ZCWPW2: variants seen among roughly 807,000 people sequenced by gnomAD.
The protein encoded by ZCWPW2 is zinc finger CW-type PWWP domain protein 2.
A neutral mutation model predicts 46.6 loss-of-function variants in ZCWPW2; 45 were observed. The observed-to-expected ratio is 0.96, with a 90% CI of 0.76 to 1.24. The LOEUF (loss-of-function observed/expected upper bound fraction) is 1.24, where lower values mean the gene tolerates loss of function less well. Among genes scored for constraint, ZCWPW2 ranks in the 50% most tolerant of loss-of-function variants. ZCWPW2 has a pLI of 0.00. For missense variants in ZCWPW2, 429 were observed against 403.9 expected (o/e 1.06, Z -0.53); for synonymous variants, 152 against 137.1 (o/e 1.11, Z -0.76).
intron 1 of ZCWPW2, among the ~76,000 whole-genome samples, chr3:28,381,572 G>A (rs1259045222): frequency 6.6e-6 from 1 of 152,048 alleles, no homozygotes; most frequent in African/African-American, 2.4e-5. Context: ...CTGCGTATGT[G>A]AATGTTAGAA....
chr3:28,363,942 T>C (rs1705030310), intron 1 of ZCWPW2, among the ~76,000 whole-genome samples: 1 of 152,170 alleles, frequency 6.6e-6, no homozygotes, highest in South Asian at 2.1e-4. Flanking sequence ...CAATGGCAAT[T>C]ATCTTGTGAT....
chr3:28,461,885 A>G (rs1698652074), intron 4 of ZCWPW2: 1 of 152,246 alleles, frequency 6.6e-6, no homozygotes, highest in South Asian at 2.1e-4. Flanking sequence ...TGGGAAGGAA[A>G]GACTGTCACC....
At position 28,348,946 on chromosome 3, in the gene ZCWPW2, C is replaced by G. The variant is rs951033893; in HGVS notation, c.-391C>G. On this transcript the variant is annotated 5_prime_UTR_variant, in exon 1 of 10. Transcript: ENST00000383768. ...CGGGCCGGAGGGAGGGGAAGCACTCCGGAAAGTGATTGGAAGTGTGGATGA... is the reference window on the plus strand; with the variant it reads ...CGGGCCGGAGGGAGGGGAAGCACTCGGGAAAGTGATTGGAAGTGTGGATGA... 5.1e-6 allele frequency: 5 copies of G among 985,468 alleles called. No homozygotes were observed. Among genetic ancestry groups the G allele is most frequent in the Non-Finnish European group, 6.0e-6 (5 of 829,990 alleles). The allele number at this position is 985,468 out of a possible 1,614,324, so 61.0% of individuals were successfully genotyped here.
chr3:28,422,492 A>G (rs1266775316), intron 3 of ZCWPW2, among the ~76,000 whole-genome samples: 1 of 152,098 alleles, frequency 6.6e-6, no homozygotes, highest in Non-Finnish European at 1.5e-5. Context: ...TTTTCAGACT[A>G]TCTTTTATTT....
intron 2 of ZCWPW2, among the ~76,000 whole-genome samples, chr3:28,405,529 G>T (rs958829334): frequency 6.6e-6 from 1 of 152,188 alleles, no homozygotes; most frequent in Non-Finnish European, 1.5e-5. Flanking sequence ...AGGCTGGAGT[G>T]CAGTGGTGCA....
chr3:28,445,182 CA>C (rs1697939777), intron 4 of ZCWPW2, among the ~76,000 whole-genome samples: 1 of 144,072 alleles, frequency 6.9e-6, no homozygotes, highest in African/African-American at 2.5e-5. Context: ...ATATACCTAT[CA>C]TATATATATA....
At chr3:28,501,496 T>A (rs1228040107) in intron 6 of ZCWPW2, among the ~76,000 whole-genome samples, 1 of 152,176 alleles carries the variant, frequency 6.6e-6, no homozygotes, top group African/African-American at 2.4e-5. Context: ...AACGACGACC[T>A]CCTATAAATT....
At position 28,492,040 on chromosome 3, in the gene ZCWPW2, T is replaced by C. The variant is rs1699829014; in HGVS notation, c.611-87T>C. 2.3e-6 allele frequency: 3 copies of C among 1,313,690 alleles called. No individual in the cohort carries two copies. In the South Asian group the frequency reaches 4.0e-5, roughly 17 times the overall value. The allele number at this position is 1,313,690 out of a possible 1,614,324, so 81.4% of individuals were successfully genotyped here. A position where few individuals can be genotyped will look rare whatever the true frequency, so the allele number is the denominator to read the frequency against. ...TACTGTTACAATAGTAATGAGAAAG[T>C]AGAAAATTCTAATTGTGTAATTCAG... On this transcript the variant is annotated intron_variant, in intron 5 of 9. Transcript: ENST00000383768.
At chr3:28,406,775 T>C (rs1696177854) in intron 2 of ZCWPW2, among the ~76,000 whole-genome samples, 1 of 152,000 alleles carries the variant, frequency 6.6e-6, no homozygotes, top group African/African-American at 2.4e-5. Context: ...CTCAATATTT[T>C]TGTACGTTAC....
At chr3:28,355,746 A>G (rs995572476) in intron 1 of ZCWPW2, among the ~76,000 whole-genome samples, 8 of 152,238 alleles carry the variant, frequency 5.3e-5, no homozygotes, top group Non-Finnish European at 1.0e-4. Context: ...ACAAGCAATG[A>G]GGAAAGGATT....
At chr3:28,421,038 C>A (rs1293865306) in intron 3 of ZCWPW2, among the ~76,000 whole-genome samples, 1 of 151,964 alleles carries the variant, frequency 6.6e-6, no homozygotes, top group East Asian at 1.9e-4. Context: ...CATTTTGGAT[C>A]TTATTTAAAC....
chr3:28,393,765 A>G (rs1159280742), intron 2 of ZCWPW2, among the ~76,000 whole-genome samples: 2 of 152,128 alleles, frequency 1.3e-5, no homozygotes, highest in Non-Finnish European at 2.9e-5. Flanking sequence ...TCTTAACAAA[A>G]TAGATATAGA....
At chr3:28,471,110 T>TA (rs1472831524) in intron 4 of ZCWPW2, among the ~76,000 whole-genome samples, 8 of 152,186 alleles carry the variant, frequency 5.3e-5, no homozygotes, top group African/African-American at 1.9e-4. Flanking sequence ...AAAACTATAA[T>TA]AAAAAGTCTC....
chr3:28,486,532 TTTCTTTTTC>T (rs1699605507), intron 5 of ZCWPW2, among the ~76,000 whole-genome samples: 2 of 152,116 alleles, frequency 1.3e-5, no homozygotes, highest in Non-Finnish European at 1.5e-5. Context: ...AATGCCTCCA[TTTCTTTTTC>T]TTTGCCTGGG....
chr3:28,372,177 A>G (rs1300207231), intron 1 of ZCWPW2, among the ~76,000 whole-genome samples: 1 of 152,136 alleles, frequency 6.6e-6, no homozygotes, highest in African/African-American at 2.4e-5. Context: ...ATTATATTCA[A>G]TTAATATAGT....
intron 6 of ZCWPW2, among the ~76,000 whole-genome samples, chr3:28,507,491 C>CT (rs397941054): frequency 0.032 from 4,567 of 143,560 alleles, 222 homozygotes; most frequent in African/African-American, 0.1. Flanking sequence ...TATCAATATT[C>CT]TTTTTTTTTT....
intron 1 of ZCWPW2, among the ~76,000 whole-genome samples, chr3:28,388,737 G>T (rs949480049): frequency 6.6e-6 from 1 of 152,140 alleles, no homozygotes; most frequent in Non-Finnish European, 1.5e-5. Flanking sequence ...GGCACCTTCT[G>T]CCCCTACCTA....
intron 1 of ZCWPW2, among the ~76,000 whole-genome samples, chr3:28,361,678 G>A (rs1292980654): frequency 6.6e-6 from 1 of 151,500 alleles, no homozygotes; most frequent in East Asian, 1.9e-4. Context: ...TTCATACAAT[G>A]TAATAGCAAA....
intron 1 of ZCWPW2, among the ~76,000 whole-genome samples, chr3:28,355,467 A>G (rs571814640): frequency 1.3e-5 from 2 of 152,380 alleles, no homozygotes; most frequent in African/African-American, 4.8e-5. Context: ...TCAAGCTACT[A>G]ATGACTTTCT....
Sources: gnomAD v4.1 joint callset for allele counts (sites outside exome capture counted in the v4.1 genomes callset) on GRCh38, gnomAD v4.1.1 for gene constraint, MANE v1.5 for transcripts, NCBI Gene and HGNC (gene_info 2026-07-23, HGNC 2026-07-21) for gene names.